The following SH3PXD2A variants were observed in gnomAD, a reference collection of about 807,000 sequenced individuals.
The protein encoded by SH3PXD2A is SH3 and PX domains 2A, also known as SH3 and PX domain-containing protein 2A.
Under a neutral mutation model 115.2 loss-of-function variants are expected in SH3PXD2A, and 32 were observed. The ratio of observed to expected loss-of-function variants is 0.28; its 90% CI spans 0.21 to 0.37. The LOEUF is 0.37. Ranked by LOEUF, SH3PXD2A falls within the 10% of genes least tolerant of loss-of-function variation. SH3PXD2A has a pLI of 1.00. For synonymous variants in SH3PXD2A, 610 were observed against 629.1 expected (o/e 0.97, Z 0.45); for missense variants, 1,328 against 1,498.7 (o/e 0.89, Z 1.88).
chr10:103,603,242 T>C lies in SH3PXD2A; in HGVS notation c.1976A>G (p.Lys659Arg), dbSNP rs1477794207. 7 of 1,613,816 alleles carry C rather than the reference T, an allele frequency of 4.3e-6. No individual in the cohort carries two copies. The Admixed American group carries it at 6.7e-5, about 15-fold the overall frequency. Residue 659 changes from lysine (K) to arginine (R), a missense_variant, in exon 15 of 15, where the codon AAA becomes AGA. Physicochemically the swap from Lys to Arg is conservative, Grantham distance 26. Around this residue, in one of 5 missense-constraint regions of SH3PXD2A, gnomAD observed 574 missense variants for 565.7 expected, o/e 1.01. Coordinates refer to ENST00000369774, the MANE Select transcript of SH3PXD2A (RefSeq NM_001394015.1). ...SLSLTRKNSPKSGSPKSSSLL... is the reference protein window; with the variant it reads ...SLSLTRKNSPRSGSPKSSSLL... ...TGATGATGACTTGGGGGAGCCTGAT[T>C]TGGGGGAGTTTTTCCTGGTCAGGGA...
intron 1 of SH3PXD2A, among the ~76,000 whole-genome samples, chr10:103,823,402 C>T (rs986635428): frequency 5.9e-5 from 9 of 152,212 alleles, no homozygotes; most frequent in African/African-American, 2.2e-4. Context: ...TGGCTTTAAC[C>T]ACTGCCCTTA....
chr10:103,692,088 A>G (rs944066427), intron 6 of SH3PXD2A, among the ~76,000 whole-genome samples: 1 of 152,200 alleles, frequency 6.6e-6, no homozygotes, highest in African/African-American at 2.4e-5. Flanking sequence ...ACCCCAAGGT[A>G]CAGCCACCCT....
At chr10:103,654,978 G>GGGA (rs2037188211) in intron 8 of SH3PXD2A, among the ~76,000 whole-genome samples, 1 of 151,788 alleles carries the variant, frequency 6.6e-6, no homozygotes, top group Non-Finnish European at 1.5e-5. Context: ...CCAAGACTGG[G>GGGA]CTAGCATGCC....
chr10:103,731,629 G>A (rs956293925), intron 4 of SH3PXD2A, among the ~76,000 whole-genome samples: 1 of 152,142 alleles, frequency 6.6e-6, no homozygotes, highest in Non-Finnish European at 1.5e-5. Flanking sequence ...GATCAGCCTT[G>A]GGCTCTGCCT....
intron 1 of SH3PXD2A, among the ~76,000 whole-genome samples, chr10:103,801,859 A>G (rs953844557): frequency 1.3e-5 from 2 of 152,178 alleles, no homozygotes; most frequent in Non-Finnish European, 2.9e-5. Context: ...GCCTGCCACC[A>G]TGCCTGGCTA....
chr10:103,789,342 T>A (rs1272597021), intron 2 of SH3PXD2A, among the ~76,000 whole-genome samples: 1 of 152,202 alleles, frequency 6.6e-6, no homozygotes, highest in Non-Finnish European at 1.5e-5. Context: ...TCCACCCTCA[T>A]GCTCTGCCAG....
intron 7 of SH3PXD2A, 139 bp downstream of exon 7, chr10:103,668,469 G>A: frequency 1.3e-6 from 1 of 741,374 alleles, no homozygotes; most frequent in Non-Finnish European, 2.3e-6. Context: ...GGCACAGCAA[G>A]TGGCAGACCC....
chr10:103,835,690 T>A (rs1157007877), intron 1 of SH3PXD2A, among the ~76,000 whole-genome samples: 1 of 152,096 alleles, frequency 6.6e-6, no homozygotes, highest in Non-Finnish European at 1.5e-5. Flanking sequence ...TCACCAAGTC[T>A]TCGCTGATTT....
intron 8 of SH3PXD2A, 46 bp downstream of exon 8, chr10:103,660,937 G>C (rs2037288040): frequency 1.2e-6 from 2 of 1,607,790 alleles, no homozygotes; most frequent in African/African-American, 2.7e-5. Context: ...TCGGCCCGGG[G>C]GCCAGACCGG....
At position 103,594,890 on chromosome 10, in the gene SH3PXD2A, AG is replaced by A. The variant is rs1414051714; in HGVS notation, c.*6925del. The A allele has an allele frequency of 6.6e-6, 1 of 152,188 alleles. No individual in the cohort carries two copies. Among genetic ancestry groups the A allele is most frequent in the Non-Finnish European group, 1.5e-5 (1 of 68,046 alleles). The allele number at this position is 152,188 out of a possible 1,614,324, so 9.4% of individuals were successfully genotyped here. On this transcript the variant is annotated 3_prime_UTR_variant, in exon 15 of 15. Coordinates refer to ENST00000369774, the MANE Select transcript of SH3PXD2A (RefSeq NM_001394015.1). The stretch of plus-strand genomic sequence containing the variant: ...ATGACTGGTACCAACAAGACGACAA[AG>A]GAGGTTGCCTTCCTCCCAGATGTGC...
At chr10:103,757,498 A>C (rs528201388) in intron 3 of SH3PXD2A, among the ~76,000 whole-genome samples, 1 of 152,324 alleles carries the variant, frequency 6.6e-6, no homozygotes, top group East Asian at 1.9e-4. Context: ...GTAGGTGTTC[A>C]GGAGCTGATT....
intron 2 of SH3PXD2A, among the ~76,000 whole-genome samples, chr10:103,797,428 C>T (rs1289662918): frequency 6.6e-6 from 1 of 152,110 alleles, no homozygotes; most frequent in East Asian, 1.9e-4. Flanking sequence ...TCCCAACCCT[C>T]TGACTTTCCC....
rs1257145145 is a variant in SH3PXD2A, at chr10:103,612,844, G to A, written c.1258+9C>T. ...GCAGTGAGGACCTAGAGGTCAGCGA[G>A]GCTCTTACTGATCTGGGCCCGCTGA... On this transcript the variant is annotated intron_variant, in intron 12 of 14. Transcript: ENST00000369774. 6.5e-7 allele frequency: 1 copy of A among 1,536,254 alleles called. No individual in the cohort carries two copies.
At chr10:103,762,874 G>T (rs776185463) in intron 3 of SH3PXD2A, among the ~76,000 whole-genome samples, 1 of 151,770 alleles carries the variant, frequency 6.6e-6, no homozygotes, top group Non-Finnish European at 1.5e-5. Context: ...CCACCTTGTT[G>T]GCCCTACTCA....
chr10:103,601,746 G>T lies in SH3PXD2A; in HGVS notation c.*70C>A, dbSNP rs1202305258. On this transcript the variant is annotated 3_prime_UTR_variant, in exon 15 of 15. Transcript: ENST00000369774. Reference sequence around the variant, plus strand: ...ACCCCCATTTTTTCCTTTCCCTTTTGTTCGTCTCACCGCTCATCCAGTGGG... The same window carrying T: ...ACCCCCATTTTTTCCTTTCCCTTTTTTTCGTCTCACCGCTCATCCAGTGGG... 2 of 654,556 alleles carry T rather than the reference G, an allele frequency of 3.1e-6. No homozygotes were observed. Among genetic ancestry groups the T allele is most frequent in the African/African-American group, 4.4e-5 (2 of 45,658 alleles). The allele number at this position is 654,556 out of a possible 1,614,324, so 40.5% of individuals were successfully genotyped here.
At chr10:103,825,850 A>T (rs1237104011) in intron 1 of SH3PXD2A, among the ~76,000 whole-genome samples, 1 of 136,560 alleles carries the variant, frequency 7.3e-6, no homozygotes, top group Non-Finnish European at 1.5e-5. Context: ...CGCAAGCTCC[A>T]CCTCCCGGGT....
chr10:103,712,237 G>C (rs1247583355), intron 5 of SH3PXD2A, among the ~76,000 whole-genome samples: 1 of 152,184 alleles, frequency 6.6e-6, no homozygotes, highest in African/African-American at 2.4e-5. Flanking sequence ...CCTCAGTAAA[G>C]CTGTCTGGGG....
chr10:103,804,716 C>A (rs1459733616), intron 1 of SH3PXD2A, among the ~76,000 whole-genome samples: 3 of 152,050 alleles, frequency 2.0e-5, no homozygotes, highest in African/African-American at 7.2e-5. Flanking sequence ...CATGCAGGAA[C>A]AAAGGCGCCT....
rs549129795 is a variant in SH3PXD2A at position 103,812,865 on chromosome 10, C to T, written c.73-11503G>A. On this transcript the variant is annotated intron_variant, in intron 1 of 14. Coordinates refer to ENST00000369774, the MANE Select transcript of SH3PXD2A (RefSeq NM_001394015.1). Reference sequence around the variant, plus strand: ...AGAACAATCATTTTGGAGAGCTTTTCGGCAATTTCTGTCGCCAAACTTGCA... The same window carrying T: ...AGAACAATCATTTTGGAGAGCTTTTTGGCAATTTCTGTCGCCAAACTTGCA... Among the ~76,000 whole-genome samples, 27 of 152,304 alleles carry T rather than the reference C, an allele frequency of 1.8e-4. No individual in the cohort carries two copies. The South Asian group carries it at 2.5e-3, about 14-fold the overall frequency.
Sources: gnomAD v4.1 joint callset for allele counts (sites outside exome capture counted in the v4.1 genomes callset) on GRCh38, gnomAD v4.1.1 for gene constraint, gnomAD v4.1.1 regional missense constraint, MANE v1.5 for transcripts, NCBI Gene and HGNC (gene_info 2026-07-23, HGNC 2026-07-21) for gene names.